The following CAPN14 variants were observed in gnomAD, a reference collection of about 807,000 sequenced individuals.
The protein encoded by CAPN14 is calpain-14.
In CAPN14, 94 loss-of-function variants were observed where a neutral mutation model predicts 101.3. The observed-to-expected ratio is 0.93, with a 90% CI of 0.79 to 1.10. The LOEUF (loss-of-function observed/expected upper bound fraction) is 1.10. Ranked by LOEUF, CAPN14 falls within the 50% of genes least tolerant of loss-of-function variation. The pLI is 0.00. For missense variants in CAPN14, 837 were observed against 828.4 expected (o/e 1.01, Z -0.13); for synonymous variants, 338 against 317.9 (o/e 1.06, Z -0.67).
upstream of CAPN14, among the ~76,000 whole-genome samples, chr2:31,221,295 C>T (rs929719118): frequency 7.2e-5 from 11 of 152,224 alleles, no homozygotes; most frequent in Non-Finnish European, 1.5e-4. Flanking sequence ...AAGGACTGCT[C>T]TGTCTGGGGA....
upstream of CAPN14, chr2:31,217,681 A>C (rs984327663): frequency 6.6e-6 from 1 of 152,370 alleles, no homozygotes; most frequent in Non-Finnish European, 1.5e-5. Flanking sequence ...CACAAATCCA[A>C]TTATTTCTTT....
chr2:31,188,832 A>G (rs1354908311), intron 13 of CAPN14, among the ~76,000 whole-genome samples: 3 of 152,046 alleles, frequency 2.0e-5, no homozygotes, highest in Non-Finnish European at 4.4e-5. Flanking sequence ...AACAACCCCT[A>G]TGCATCTTAT....
chr2:31,178,774 A>G (rs1309834569), intron 17 of CAPN14, among the ~76,000 whole-genome samples, 195 bp from the exon 18 acceptor site: 1 of 152,050 alleles, frequency 6.6e-6, no homozygotes, highest in African/African-American at 2.4e-5. Flanking sequence ...CTAGGAAAAA[A>G]CAGAATGAGC....
chr2:31,226,997 T>A (rs1194663580), intron 1 of CAPN14, among the ~76,000 whole-genome samples: 1 of 152,162 alleles, frequency 6.6e-6, no homozygotes, highest in Non-Finnish European at 1.5e-5. Context: ...AACATCCCTA[T>A]CTTCCTCTTC....
intron 1 of CAPN14, among the ~76,000 whole-genome samples, chr2:31,211,332 A>G (rs58545633): frequency 0.078 from 11,833 of 152,184 alleles, 677 homozygotes; most frequent in African/African-American, 0.16. Flanking sequence ...TTTTACATGT[A>G]GAATATCTAA....
Position 31,226,741 on chromosome 2 carries a change from T to C in CAPN14, c.-176-90A>G, listed in dbSNP as rs183506694. 7.2e-5 allele frequency: 11 copies of C among 152,446 alleles called. No individual in the cohort carries two copies. The East Asian group carries it at 2.1e-3, about 29-fold the overall frequency. The allele number at this position is 152,446 out of a possible 1,614,324, so 9.4% of individuals were successfully genotyped here. On this transcript the variant is annotated intron_variant and NMD_transcript_variant, in intron 1 of 21. Coordinates refer to the CAPN14 transcript ENST00000398824. Reference sequence around the variant, plus strand: ...TCAAGCAGCTCAGAGCCCAGTGTGATGGCTGCTCACCTCTGGGGGCCTCCT... The same window carrying C: ...TCAAGCAGCTCAGAGCCCAGTGTGACGGCTGCTCACCTCTGGGGGCCTCCT...
Position 31,201,982 on chromosome 2 carries a change from T to C in CAPN14, c.431A>G (p.Asn144Ser), listed in dbSNP as rs1681809885. 1 of 1,551,702 alleles carries C rather than the reference T, an allele frequency of 6.4e-7. No individual in the cohort carries two copies. The highest frequency in any genetic ancestry group is 8.7e-7 in the Non-Finnish European group (1 of 1,146,980). ...IFRFWFWHYGNWVPVVIDDRL... is the reference protein window; with the variant it reads ...IFRFWFWHYGSWVPVVIDDRL... ...GTCATCGATCACCACAGGAACCCAG[T>C]TCCCATAGTGCCAGAACTGGAGGGA... is the stretch of plus-strand genomic sequence containing the variant. The change falls in exon 5 of 22, where the codon AAC becomes AGC. Residue 144 changes from asparagine (N) to serine (S), a missense_variant. Asn to Ser is a conservative substitution (Grantham distance 46). Transcript: ENST00000403897.
rs1680553271 is a variant in CAPN14 at position 31,180,795 on chromosome 2, G to A, written c.1710+141C>T. 4 of 669,046 alleles carry A rather than the reference G, an allele frequency of 6.0e-6. No individual in the cohort carries two copies. In the Admixed American group the frequency reaches 8.0e-5, roughly 13 times the overall value. 41.4% of individuals were successfully genotyped at this position (669,046 alleles called of 1,614,324 possible). On this transcript the variant is annotated intron_variant, in intron 17 of 21. Transcript: ENST00000403897. Reference sequence around the variant, plus strand: ...TCTCCATGCTTCAGATGAGCATCTGGATACATAATGAGGCTCAGTGGCTTG... The same window carrying A: ...TCTCCATGCTTCAGATGAGCATCTGAATACATAATGAGGCTCAGTGGCTTG...
chr2:31,185,713 A>G (rs1680869914), intron 16 of CAPN14, among the ~76,000 whole-genome samples: 1 of 152,192 alleles, frequency 6.6e-6, no homozygotes, highest in South Asian at 2.1e-4. Context: ...GAATCACACA[A>G]TAGCCTGGAC....
chr2:31,185,403 A>T lies in CAPN14; in HGVS notation c.1645+1025T>A, dbSNP rs1313735369. 3.3e-5 allele frequency among the ~76,000 whole-genome samples: 5 copies of T among 152,354 alleles called. No homozygotes were observed. The South Asian group carries it at 1.0e-3, about 32-fold the overall frequency. On this transcript the variant is annotated intron_variant, in intron 16 of 21. Transcript: ENST00000403897. ...GGGAGACTCACCAAACATTTTGCCA[A>T]AATCTACAGTATTTCTCTGATTTAT...
chr2:31,208,177 A>T (rs1310262006), intron 1 of CAPN14, among the ~76,000 whole-genome samples: 1 of 137,244 alleles, frequency 7.3e-6, no homozygotes, highest in Non-Finnish European at 1.6e-5. Flanking sequence ...AAAAACTCCA[A>T]AAAAAAACTG....
intron 9 of CAPN14, 93 bp downstream of exon 9, chr2:31,194,316 G>T: frequency 2.2e-6 from 2 of 897,428 alleles, no homozygotes; most frequent in Admixed American, 2.0e-5. Context: ...TGTACATGAA[G>T]TTCCTGGCAC....
In CAPN14 at chr2:31,203,445, G is replaced by C. The variant is rs1205323615; in HGVS notation, c.226-306C>G. 2.6e-5 allele frequency among the ~76,000 whole-genome samples: 4 copies of C among 152,064 alleles called. No homozygotes were observed. The East Asian group carries it at 5.8e-4, about 22-fold the overall frequency. On this transcript the variant is annotated intron_variant, in intron 2 of 21. Transcript: ENST00000403897. ...TAAAAATGGAAACACTTTTATAGGA[G>C]GTATTTTCAGTTTTCCTAGATATCT...
At chr2:31,187,036 A>G (rs1054969994) in intron 15 of CAPN14, among the ~76,000 whole-genome samples, 1 of 152,260 alleles carries the variant, frequency 6.6e-6, no homozygotes, top group African/African-American at 2.4e-5. Context: ...TACATTAAAC[A>G]AAATTCCAGA....
chr2:31,214,593 G>C (rs976454062), intron 1 of CAPN14, among the ~76,000 whole-genome samples: 1 of 152,164 alleles, frequency 6.6e-6, no homozygotes, highest in Non-Finnish European at 1.5e-5. Context: ...TGGGGTAGGC[G>C]TCCCCTGGGC....
rs60701103 is a variant in CAPN14, at chr2:31,179,060, C to CTATATATATATA, written c.1711-493_1711-482dup. On this transcript the variant is annotated intron_variant, in intron 17 of 21. Coordinates refer to ENST00000403897, the MANE Select transcript of CAPN14 (RefSeq NM_001145122.2). ...TCTTCTTAACATCCTTTATTGAGTTCTATATATATATATATATATATATAT... is the reference window on the plus strand; with the variant it reads ...TCTTCTTAACATCCTTTATTGAGTTCTATATATATATATATATATATATATATATATATATAT... 5.1e-3 allele frequency among the ~76,000 whole-genome samples: 349 copies of CTATATATATATA among 69,038 alleles called. 10 individuals carry two copies. Among genetic ancestry groups the CTATATATATATA allele is most frequent in the Middle Eastern group, 0.028 (4 of 142 alleles). The allele number at this position is 69,038 out of a possible 152,430, so 45.3% of individuals were successfully genotyped here. A position where few individuals can be genotyped will look rare whatever the true frequency, so the allele number is the denominator to read the frequency against.
At chr2:31,200,379 G>C (rs62143037) in intron 6 of CAPN14, 72 bp downstream of exon 6, 14,092 of 1,364,140 alleles carry the variant, frequency 0.01, 106 homozygotes, top group Non-Finnish European at 0.013. Context: ...ACCCAGGTGA[G>C]GGTAGTGGTG....
intron 14 of CAPN14, 86 bp from the exon 15 acceptor site, chr2:31,187,900 G>C: frequency 9.4e-7 from 1 of 1,068,922 alleles, no homozygotes. Context: ...ATGGCTTCCA[G>C]GTTTCTGAAA....
At chr2:31,228,146 G>A (rs1216006030) in intron 1 of CAPN14, among the ~76,000 whole-genome samples, 2 of 152,246 alleles carry the variant, frequency 1.3e-5, no homozygotes, top group African/African-American at 4.8e-5. Context: ...GGGCCAGGTT[G>A]AAAGGGGCCA....
Sources: gnomAD v4.1 joint callset for allele counts (sites outside exome capture counted in the v4.1 genomes callset) on GRCh38, gnomAD v4.1.1 for gene constraint, MANE v1.5 for transcripts, NCBI Gene and HGNC (gene_info 2026-07-23, HGNC 2026-07-21) for gene names.